The following C12orf54 variants were observed in gnomAD, a reference collection of about 807,000 sequenced individuals.
The protein encoded by C12orf54 is uncharacterized protein C12orf54.
Under a neutral mutation model 26.4 loss-of-function variants are expected in C12orf54, and 24 were observed. The observed-to-expected ratio is 0.91, with a 90% CI of 0.66 to 1.28. C12orf54 has a LOEUF of 1.28. Ranked by LOEUF, C12orf54 falls within the 50% of genes most tolerant of loss-of-function variation. The pLI is 0.00. For missense variants in C12orf54, 154 were observed against 150.9 expected (o/e 1.02, Z -0.11); for synonymous variants, 54 against 47.0 (o/e 1.15, Z -0.61).
At chr12:48,434,116 T>A in the C12orf54 span, among the ~76,000 whole-genome samples, 1 of 152,162 alleles carries the variant, frequency 6.6e-6, no homozygotes, top group Non-Finnish European at 1.5e-5. Flanking sequence ...GGAGATTATA[T>A]CCCACACATG....
the C12orf54 span, among the ~76,000 whole-genome samples, chr12:48,469,424 C>G: frequency 6.6e-6 from 1 of 152,198 alleles, no homozygotes; most frequent in Non-Finnish European, 1.5e-5. Context: ...CTTCCCGGCC[C>G]CGCAGACAGT....
the C12orf54 span, among the ~76,000 whole-genome samples, chr12:48,453,895 A>G: frequency 6.6e-6 from 1 of 151,846 alleles, no homozygotes; most frequent in South Asian, 2.1e-4. Flanking sequence ...AGAAGGTGAT[A>G]TTTTACTTCT....
At chr12:48,446,254 C>T in the C12orf54 span, among the ~76,000 whole-genome samples, 1 of 152,256 alleles carries the variant, frequency 6.6e-6, no homozygotes, top group South Asian at 2.1e-4. Context: ...AAGCTCATTC[C>T]TCAAAAGCTC....
the C12orf54 span, among the ~76,000 whole-genome samples, chr12:48,476,110 G>A: frequency 6.6e-6 from 1 of 152,262 alleles, no homozygotes; most frequent in African/African-American, 2.4e-5. Flanking sequence ...TTAAAGAAAA[G>A]AATTTTCAAC....
At chr12:48,434,130 C>T in the C12orf54 span, among the ~76,000 whole-genome samples, 16 of 152,332 alleles carry the variant, frequency 1.1e-4, no homozygotes, top group African/African-American at 3.8e-4. Flanking sequence ...ACACATGACT[C>T]GGAGGGTCCT....
the C12orf54 span, among the ~76,000 whole-genome samples, chr12:48,474,439 G>A: frequency 0.017 from 2,514 of 152,282 alleles, 40 homozygotes; most frequent in Non-Finnish European, 0.024. Context: ...GAAGCAGGGC[G>A]AGGCATCATC....
the C12orf54 span, among the ~76,000 whole-genome samples, chr12:48,439,469 T>C: frequency 6.6e-6 from 1 of 152,206 alleles, no homozygotes; most frequent in African/African-American, 2.4e-5. Context: ...TGCAGCACTA[T>C]TCACAATAGC....
At chr12:48,416,560 G>A in the C12orf54 span, among the ~76,000 whole-genome samples, 1 of 152,054 alleles carries the variant, frequency 6.6e-6, no homozygotes, top group East Asian at 1.9e-4. Context: ...CCTTTAAGAG[G>A]CAATTAGTCC....
chr12:48,475,356 A>T, the C12orf54 span, among the ~76,000 whole-genome samples: 2 of 152,242 alleles, frequency 1.3e-5, no homozygotes, highest in Non-Finnish European at 2.9e-5. Context: ...CTCCAAAGGA[A>T]TGCAGCTCCT....
At chr12:48,437,629 TA>T in the C12orf54 span, among the ~76,000 whole-genome samples, 7 of 152,162 alleles carry the variant, frequency 4.6e-5, no homozygotes, top group Non-Finnish European at 8.8e-5. Flanking sequence ...ATCCAGCATA[TA>T]AACAGAACCA....
chr12:48,423,060 A>G, the C12orf54 span, among the ~76,000 whole-genome samples: 3 of 152,268 alleles, frequency 2.0e-5, no homozygotes, highest in Admixed American at 6.5e-5. Flanking sequence ...TTTCAAATGC[A>G]TCTGTCAGAG....
chr12:48,448,271 C>A, the C12orf54 span, among the ~76,000 whole-genome samples: 1 of 152,180 alleles, frequency 6.6e-6, no homozygotes, highest in East Asian at 1.9e-4. Flanking sequence ...TCATTTGTTA[C>A]ACAGCAGTAG....
At chr12:48,430,474 T>C in the C12orf54 span, among the ~76,000 whole-genome samples, 3 of 151,912 alleles carry the variant, frequency 2.0e-5, no homozygotes. Context: ...AACAATCCCA[T>C]CAGAAAGTGG....
At chr12:48,421,465 G>A in the C12orf54 span, among the ~76,000 whole-genome samples, 1 of 144,104 alleles carries the variant, frequency 6.9e-6, no homozygotes, top group African/African-American at 2.5e-5. Context: ...TTGAACATGA[G>A]ATGAGATTTC....
the C12orf54 span, among the ~76,000 whole-genome samples, chr12:48,466,992 C>G: frequency 6.6e-6 from 1 of 152,064 alleles, no homozygotes; most frequent in Non-Finnish European, 1.5e-5. Context: ...GTGATGTGAA[C>G]GGTACCCCTC....
At chr12:48,438,921 A>G in the C12orf54 span, among the ~76,000 whole-genome samples, 1 of 152,098 alleles carries the variant, frequency 6.6e-6, no homozygotes, top group South Asian at 2.1e-4. Context: ...TAATTAAACT[A>G]AAGAGCTTCT....
chr12:48,419,387 G>A, the C12orf54 span, among the ~76,000 whole-genome samples: 3 of 152,178 alleles, frequency 2.0e-5, no homozygotes, highest in African/African-American at 7.2e-5. Flanking sequence ...TCTCTTGCGT[G>A]GTTTTAAGAC....
At chr12:48,429,034 T>C in the C12orf54 span, among the ~76,000 whole-genome samples, 1 of 152,300 alleles carries the variant, frequency 6.6e-6, no homozygotes, top group African/African-American at 2.4e-5. Flanking sequence ...ATAAATGTGA[T>C]ACACCACATA....
chr12:48,425,180 A>C, the C12orf54 span, among the ~76,000 whole-genome samples: 1 of 152,066 alleles, frequency 6.6e-6, no homozygotes, highest in South Asian at 2.1e-4. Context: ...TTCATCACCC[A>C]GATAATAAGC....
Sources: allele counts gnomAD v4.1 joint callset (sites outside exome capture counted in the v4.1 genomes callset), GRCh38; gene constraint gnomAD v4.1.1; transcripts MANE v1.5; gene names NCBI Gene and HGNC (gene_info 2026-07-23, HGNC 2026-07-21).